SHISA9: variants seen among roughly 807,000 people sequenced by gnomAD.
SHISA9 encodes the protein protein shisa-9.
Under a neutral mutation model 38.0 loss-of-function variants are expected in SHISA9, and 13 were observed. The observed-to-expected ratio is 0.34, with a 90% confidence interval of 0.22 to 0.54. SHISA9 has a LOEUF of 0.54. Among genes scored for constraint, SHISA9 ranks in the 20% least tolerant of loss-of-function variants. The pLI is 0.91. For synonymous variants in SHISA9, 275 were observed against 242.0 expected, an observed-to-expected ratio of 1.14 and a Z score of -1.27; for missense variants, 538 against 575.8, an observed-to-expected ratio of 0.93 and a Z score of 0.67.
the SHISA9 span, among the ~76,000 whole-genome samples, chr16:13,283,655 C>T: frequency 6.6e-6 from 1 of 151,982 alleles, no homozygotes; most frequent in Non-Finnish European, 1.5e-5. Flanking sequence ...ATCCCTCCCA[C>T]AACAGGTGGG....
At chr16:13,151,377 G>C (rs950030168) in intron 2 of SHISA9, among the ~76,000 whole-genome samples, 3 of 152,162 alleles carry the variant, frequency 2.0e-5, no homozygotes, top group Admixed American at 2.0e-4. Context: ...AAAGTGCTGG[G>C]ATGACAGGCA....
At chr16:13,511,403 T>C in the SHISA9 span, among the ~76,000 whole-genome samples, 1,027 of 152,302 alleles carry the variant, frequency 6.7e-3, 9 homozygotes, top group Non-Finnish European at 0.012. Context: ...CTGGCTGCAT[T>C]TGGCATTTTT....
At chr16:13,150,842 CA>C (rs1400824745) in intron 2 of SHISA9, among the ~76,000 whole-genome samples, 1 of 152,182 alleles carries the variant, frequency 6.6e-6, no homozygotes, top group African/African-American at 2.4e-5. Context: ...GGATTATATC[CA>C]AGATGCAATC....
chr16:13,200,624 A>G (rs140636941), intron 2 of SHISA9, among the ~76,000 whole-genome samples: 1 of 80,472 alleles, frequency 1.2e-5, no homozygotes, highest in Non-Finnish European at 2.8e-5. Flanking sequence ...AGGTGTGGTG[A>G]AAGCCATACC....
chr16:13,135,921 T>G (rs1023920286), intron 2 of SHISA9, among the ~76,000 whole-genome samples: 1 of 152,160 alleles, frequency 6.6e-6, no homozygotes, highest in Non-Finnish European at 1.5e-5. Flanking sequence ...TATCAGGTCC[T>G]TTCTGGAATC....
intron 2 of SHISA9, among the ~76,000 whole-genome samples, chr16:13,131,514 C>T (rs923144809): frequency 1.3e-5 from 2 of 152,038 alleles, no homozygotes; most frequent in South Asian, 4.1e-4. Context: ...CTAATGGATG[C>T]TGGGGTTAAT....
intron 2 of SHISA9, among the ~76,000 whole-genome samples, chr16:13,019,109 C>T (rs754945607): frequency 1.1e-4 from 17 of 152,160 alleles, no homozygotes; most frequent in Non-Finnish European, 2.2e-4. Context: ...AATAGATTCT[C>T]CTGCCTTACC....
chr16:13,208,212 A>G (rs1165144668), intron 3 of SHISA9, among the ~76,000 whole-genome samples: 1 of 152,170 alleles, frequency 6.6e-6, no homozygotes, highest in African/African-American at 2.4e-5. Context: ...AAATTAAATA[A>G]TTCTACTCAT....
intron 2 of SHISA9, among the ~76,000 whole-genome samples, chr16:13,124,237 C>T (rs2050237583): frequency 6.6e-6 from 1 of 152,226 alleles, no homozygotes; most frequent in Non-Finnish European, 1.5e-5. Context: ...ATTGCTCACA[C>T]TATTTGAAGG....
intron 4 of SHISA9, among the ~76,000 whole-genome samples, chr16:13,226,873 TTAGAG>T (rs1234304185): frequency 6.6e-6 from 1 of 152,188 alleles, no homozygotes; most frequent in Non-Finnish European, 1.5e-5. Context: ...TTCAAGAGCC[TTAGAG>T]TAGAAGTTGC....
the SHISA9 span, among the ~76,000 whole-genome samples, chr16:13,451,522 A>C: frequency 6.6e-6 from 1 of 152,242 alleles, no homozygotes; most frequent in African/African-American, 2.4e-5. Context: ...TGGAGGGATT[A>C]CTTTTAGATA....
chr16:13,314,047 C>T, the SHISA9 span, among the ~76,000 whole-genome samples: 3 of 136,522 alleles, frequency 2.2e-5, no homozygotes, highest in Non-Finnish European at 1.7e-5. Context: ...TAAGCTGTAC[C>T]TCATGGGTGG....
At chr16:13,249,635 T>G in the SHISA9 span, among the ~76,000 whole-genome samples, 1 of 152,152 alleles carries the variant, frequency 6.6e-6, no homozygotes, top group Non-Finnish European at 1.5e-5. Flanking sequence ...TTTCTCTCTT[T>G]CTCTGTTTCC....
chr16:13,194,392 T>C (rs1399436885), intron 2 of SHISA9, among the ~76,000 whole-genome samples: 2 of 152,226 alleles, frequency 1.3e-5, no homozygotes, highest in Non-Finnish European at 2.9e-5. Flanking sequence ...AGTCAGACTG[T>C]CAGGTTCAAA....
chr16:13,486,626 G>A, the SHISA9 span, among the ~76,000 whole-genome samples: 7 of 152,134 alleles, frequency 4.6e-5, no homozygotes, highest in Admixed American at 2.6e-4. Flanking sequence ...TTAGTAGAAT[G>A]CATATAAAAA....
chr16:13,274,874 C>T, the SHISA9 span, among the ~76,000 whole-genome samples: 1 of 152,142 alleles, frequency 6.6e-6, no homozygotes, highest in Non-Finnish European at 1.5e-5. Flanking sequence ...GCTGAGAATT[C>T]AATCAATTGT....
the SHISA9 span, among the ~76,000 whole-genome samples, chr16:13,367,699 C>CGCGCGT: frequency 6.5e-4 from 36 of 55,542 alleles, no homozygotes; most frequent in South Asian, 6.4e-3. Flanking sequence ...CGTGTGCGTG[C>CGCGCGT]GCGCGCGCGC....
chr16:13,367,741 CACACACA>C, the SHISA9 span, among the ~76,000 whole-genome samples: 3 of 149,052 alleles, frequency 2.0e-5, no homozygotes, highest in African/African-American at 5.1e-5. Context: ...CACACACACA[CACACACA>C]CCCCTGAATT....
In SHISA9 at chr16:13,203,444, A is replaced by T; in HGVS notation, c.742A>T (p.Met248Leu). 1 of 1,550,822 alleles carries T rather than the reference A, an allele frequency of 6.4e-7. No individual in the cohort carries two copies. The highest frequency in any genetic ancestry group is 1.2e-5 in the South Asian group (1 of 83,938). Residue 248 changes from methionine to leucine, a missense_variant, in exon 3 of 5, where the codon ATG becomes TTG. Met to Leu is a conservative substitution (Grantham distance 15). This residue lies in a region of SHISA9 where 326 missense variants were observed against 305.9 expected (regional missense o/e 1.07). Coordinates refer to ENST00000558583, the MANE Select transcript of SHISA9 (RefSeq NM_001145204.3). Reference protein sequence around the residue: ...AVPTSPLLQQMGHPHSYPNLG... With the variant: ...AVPTSPLLQQLGHPHSYPNLG... The stretch of plus-strand genomic sequence containing the variant: ...GCCCACCTCTCCTCTGCTCCAGCAG[A>T]TGGGCCATCCACATTCGTACCCGAA...
Sources: gnomAD v4.1 joint callset for allele counts (sites outside exome capture counted in the v4.1 genomes callset) on GRCh38, gnomAD v4.1.1 for gene constraint, gnomAD v4.1.1 regional missense constraint, MANE v1.5 for transcripts, NCBI Gene and HGNC (gene_info 2026-07-23, HGNC 2026-07-21) for gene names.